ARL2BP: variants seen among roughly 807,000 people sequenced by gnomAD.
ARL2BP encodes ARF like GTPase 2 binding protein.
Under a neutral mutation model 24.2 loss-of-function variants are expected in ARL2BP, and 19 were observed. The ratio of observed to expected loss-of-function variants is 0.79; its 90% CI spans 0.55 to 1.15. The LOEUF is 1.15. ARL2BP is among the 50% of genes most tolerant of loss of function. The pLI is 0.00. For missense variants in ARL2BP, 160 were observed against 190.4 expected (o/e 0.84, Z 0.94); for synonymous variants, 56 against 70.5 (o/e 0.79, Z 1.03).
At chr16:57,247,377 T>C (rs1460026376) in intron 2 of ARL2BP, 1 of 152,196 alleles carries the variant, frequency 6.6e-6, no homozygotes, top group Admixed American at 6.5e-5. Flanking sequence ...AAATAATCTA[T>C]TCAGTTGTTA....
At chr16:57,250,695 A>G (rs2075404766) in intron 5 of ARL2BP, 188 bp downstream of exon 5, 2 of 597,664 alleles carry the variant, frequency 3.3e-6, no homozygotes, top group Non-Finnish European at 5.9e-6. Flanking sequence ...AAACAAGCCC[A>G]GGTACCAACT....
rs1567525188 is a variant in ARL2BP, at chr16:57,246,131, CATT to C, written c.93_95del (p.Ile32del). The C allele has an allele frequency of 6.2e-7, 1 of 1,613,976 alleles. No homozygotes were observed. Among genetic ancestry groups the C allele is most frequent in the Admixed American group, 1.7e-5 (1 of 60,030 alleles). The stretch of plus-strand genomic sequence containing the variant: ...ATGCTGTGGTTGGATATTTAGAGGA[CATT>C]ATCATGGGTAAGCTTTTAAGATACT... On this transcript the variant is annotated inframe_deletion, in exon 2 of 6. Transcript: ENST00000219204.
At chr16:57,249,946 C>T in intron 4 of ARL2BP, 94 bp downstream of exon 4, 1 of 1,157,962 alleles carries the variant, frequency 8.6e-7, no homozygotes, top group East Asian at 2.3e-5. Context: ...GTTTGTTTTC[C>T]TGTGCATGCC....
In ARL2BP at chr16:57,246,004, T is replaced by A. The variant is rs541260852; in HGVS notation, c.39-76T>A. On this transcript the variant is annotated intron_variant, in intron 1 of 5. Coordinates refer to ENST00000219204, the MANE Select transcript of ARL2BP (RefSeq NM_012106.4). ...GCTACTCTTTTTTCTCTTGTGCATGTTTGAAAACGTCCATACTAAAAACAT... is the reference window on the plus strand; with the variant it reads ...GCTACTCTTTTTTCTCTTGTGCATGATTGAAAACGTCCATACTAAAAACAT... The A allele has an allele frequency of 3.5e-4, 496 of 1,428,320 alleles. 8 individuals carry two copies. In the South Asian group the frequency reaches 5.5e-3, roughly 16 times the overall value. 88.5% of individuals were successfully genotyped at this position (1,428,320 alleles called of 1,614,324 possible). A position where few individuals can be genotyped will look rare whatever the true frequency, so the allele number is the denominator to read the frequency against.
chr16:57,245,781 C>T, intron 1 of ARL2BP: 1 of 507,886 alleles, frequency 2.0e-6, no homozygotes, highest in Non-Finnish European at 3.5e-6. Flanking sequence ...GGTGTTTCGC[C>T]CGTGCCGGGT....
In ARL2BP at chr16:57,253,057, G is replaced by A. The variant is rs1199513424; in HGVS notation, c.*790G>A. 1 of 152,602 alleles carries A rather than the reference G, an allele frequency of 6.6e-6. No individual in the cohort carries two copies. The highest frequency in any genetic ancestry group is 2.4e-5 in the African/African-American group (1 of 41,432). 9.5% of individuals were successfully genotyped at this position (152,602 alleles called of 1,614,324 possible). A position where few individuals can be genotyped will look rare whatever the true frequency, so the allele number is the denominator to read the frequency against. On this transcript the variant is annotated 3_prime_UTR_variant, in exon 6 of 6. Transcript: ENST00000219204. Reference sequence around the variant, plus strand: ...GTATTATATGCTGTGTGCTTTTTAGGTGTTTGTTAGTACTGTGAAGGCAAA... The same window carrying A: ...GTATTATATGCTGTGTGCTTTTTAGATGTTTGTTAGTACTGTGAAGGCAAA...
intron 1 of ARL2BP, 159 bp from the exon 2 acceptor site, chr16:57,245,921 T>G: frequency 1.4e-6 from 1 of 690,020 alleles, no homozygotes; most frequent in East Asian, 2.5e-5. Context: ...CTGTTTGGAC[T>G]TACTAGATCA....
chr16:57,250,304 A>T, intron 4 of ARL2BP, 107 bp from the exon 5 acceptor site: 1 of 1,014,782 alleles, frequency 9.9e-7, no homozygotes, highest in Non-Finnish European at 1.5e-6. Flanking sequence ...AAAACAAAAC[A>T]AAAATAATGC....
At chr16:57,246,046 T>C (rs2075389407) in intron 1 of ARL2BP, 34 bp from the exon 2 acceptor site, 1 of 1,607,570 alleles carries the variant, frequency 6.2e-7, no homozygotes, top group Non-Finnish European at 8.5e-7. Flanking sequence ...AATGCATTAT[T>C]TGAAATAGCA....
intron 2 of ARL2BP, 107 bp downstream of exon 2, chr16:57,246,248 A>G (rs1271549063): frequency 1.2e-5 from 13 of 1,083,624 alleles, no homozygotes; most frequent in Admixed American, 2.0e-5. Context: ...GCTGCCTGCA[A>G]TTTTTAATGT....
At chr16:57,249,991 A>G in intron 4 of ARL2BP, 139 bp downstream of exon 4, 1 of 731,540 alleles carries the variant, frequency 1.4e-6, no homozygotes. Context: ...AAGCCCTCAA[A>G]CCTTTTAATG....
intron 2 of ARL2BP, chr16:57,248,227 CTT>C (rs2146427896): frequency 6.5e-6 from 1 of 153,356 alleles, no homozygotes; most frequent in Admixed American, 7.9e-5. Context: ...GCAGTAGAAT[CTT>C]TTGAACCCTG....
At chr16:57,250,688 C>T in intron 5 of ARL2BP, 181 bp downstream of exon 5, 1 of 604,312 alleles carries the variant, frequency 1.7e-6, no homozygotes. Flanking sequence ...TTTCATGAAA[C>T]AAGCCCAGGT....
At chr16:57,251,082 C>T (rs1475509397) in intron 5 of ARL2BP, 2 of 151,530 alleles carry the variant, frequency 1.3e-5, no homozygotes, top group African/African-American at 2.4e-5. Flanking sequence ...CCTTGCTTTT[C>T]ATATAATGCA....
intron 3 of ARL2BP, 29 bp from the exon 4 acceptor site, chr16:57,249,738 T>C: frequency 6.3e-7 from 1 of 1,584,668 alleles, no homozygotes; most frequent in South Asian, 1.1e-5. Context: ...CAAAGTATGG[T>C]CTCACCAAAA....
In ARL2BP at chr16:57,245,836, G is replaced by A. The variant is rs1041163462; in HGVS notation, c.39-244G>A. 1.0e-5 allele frequency: 6 copies of A among 572,082 alleles called. No homozygotes were observed. In the Middle Eastern group the frequency reaches 1.4e-3, roughly 133 times the overall value. 35.4% of individuals were successfully genotyped at this position (572,082 alleles called of 1,614,324 possible). On this transcript the variant is annotated intron_variant, in intron 1 of 5. Transcript: ENST00000219204. ...GGTATGGGGTGATAGCTAAGAGCCT[G>A]GAGAACAAGTTTTTATTAAAGTGGA...
rs1268541703 is a variant in ARL2BP, at chr16:57,252,329, C to A, written c.*62C>A. ...TGTCACCAGCCCAATAGGCTCAGCT[C>A]ATGATGACAGAACACATCTTGGAAA... On this transcript the variant is annotated 3_prime_UTR_variant, in exon 6 of 6. Transcript: ENST00000219204. 3 of 1,613,248 alleles carry A rather than the reference C, an allele frequency of 1.9e-6. No individual in the cohort carries two copies. Among genetic ancestry groups the A allele is most frequent in the Non-Finnish European group, 2.5e-6 (3 of 1,179,868 alleles).
At chr16:57,246,596 A>C (rs1206081192) in intron 2 of ARL2BP, among the ~76,000 whole-genome samples, 1 of 152,100 alleles carries the variant, frequency 6.6e-6, no homozygotes, top group African/African-American at 2.4e-5. Context: ...AGGTCAGGAG[A>C]TCAAGACCAT....
At chr16:57,248,382 A>C in intron 2 of ARL2BP, 155 bp from the exon 3 acceptor site, 1 of 390,880 alleles carries the variant, frequency 2.6e-6, no homozygotes. Flanking sequence ...TTTCCACATC[A>C]GGGTCCCATT....
Sources: allele counts gnomAD v4.1 joint callset (sites outside exome capture counted in the v4.1 genomes callset), GRCh38; gene constraint gnomAD v4.1.1; transcripts MANE v1.5; gene names NCBI Gene and HGNC (gene_info 2026-07-23, HGNC 2026-07-21).